SPMIP7: variants seen among roughly 807,000 people sequenced by gnomAD.
SPMIP7 encodes protein SPMIP7.
the SPMIP7 span, chr7:50,151,379 G>T: frequency 8.2e-7 from 1 of 1,223,566 alleles, no homozygotes; most frequent in Non-Finnish European, 1.2e-6. Context: ...TTGGGTGCTA[G>T]TTACCATGAC....
chr7:50,104,044 C>T, the SPMIP7 span, among the ~76,000 whole-genome samples: 2 of 152,244 alleles, frequency 1.3e-5, no homozygotes, highest in South Asian at 4.1e-4. Flanking sequence ...TGTCTGTGTG[C>T]ACATACATAG....
At chr7:50,154,164 T>C in the SPMIP7 span, among the ~76,000 whole-genome samples, 1 of 152,142 alleles carries the variant, frequency 6.6e-6, no homozygotes, top group Non-Finnish European at 1.5e-5. Flanking sequence ...GACATATGGG[T>C]ATATAGTAAA....
At chr7:50,103,052 T>A in the SPMIP7 span, among the ~76,000 whole-genome samples, 1 of 143,822 alleles carries the variant, frequency 7.0e-6, no homozygotes, top group South Asian at 2.2e-4. Context: ...ATCATATATT[T>A]TATATATATA....
the SPMIP7 span, chr7:50,134,049 A>G: frequency 2.1e-6 from 3 of 1,423,018 alleles, no homozygotes; most frequent in Non-Finnish European, 2.8e-6. Context: ...TCATATTGTT[A>G]TAAACTTTAC....
the SPMIP7 span, among the ~76,000 whole-genome samples, chr7:50,118,356 C>T: frequency 6.6e-6 from 1 of 152,152 alleles, no homozygotes; most frequent in Non-Finnish European, 1.5e-5. Flanking sequence ...TGAACAAATA[C>T]TGGTGGGGTA....
chr7:50,138,350 G>C, the SPMIP7 span, among the ~76,000 whole-genome samples: 2 of 152,174 alleles, frequency 1.3e-5, no homozygotes, highest in African/African-American at 4.8e-5. Context: ...AAATATAAAA[G>C]TGAATCACAT....
the SPMIP7 span, chr7:50,096,457 C>CAGAACCATACCAACCCTAGTGGA: frequency 2.6e-6 from 4 of 1,551,734 alleles, no homozygotes; most frequent in Non-Finnish European, 3.5e-6. Flanking sequence ...CTGGCATTGG[C>CAGAACCATACCAACCCTAGTGGA]AGAACCATAC....
At chr7:50,151,311 C>A in the SPMIP7 span, 1 of 678,944 alleles carries the variant, frequency 1.5e-6, no homozygotes, top group Non-Finnish European at 2.5e-6. Context: ...AGCCCAAGTT[C>A]CACACCTCAT....
At chr7:50,141,259 T>G in the SPMIP7 span, 5 of 1,437,686 alleles carry the variant, frequency 3.5e-6, no homozygotes, top group South Asian at 6.1e-5. Flanking sequence ...ATATATGCCT[T>G]CTTTCCTTTC....
the SPMIP7 span, chr7:50,104,458 T>C: frequency 1.2e-5 from 8 of 672,380 alleles, no homozygotes; most frequent in Admixed American, 3.2e-4. Flanking sequence ...GTTTATTTCA[T>C]TGTATTATAT....
chr7:50,114,265 T>C, the SPMIP7 span, among the ~76,000 whole-genome samples: 5 of 152,160 alleles, frequency 3.3e-5, no homozygotes, highest in Non-Finnish European at 7.4e-5. Flanking sequence ...CTATTTTTCA[T>C]CTTGGAGTTC....
At chr7:50,119,604 G>A in the SPMIP7 span, among the ~76,000 whole-genome samples, 7 of 152,196 alleles carry the variant, frequency 4.6e-5, no homozygotes, top group Non-Finnish European at 7.3e-5. Context: ...TGACAGTCAT[G>A]CTAAAACCTC....
chr7:50,145,614 GTGTGTATATA>G, the SPMIP7 span, among the ~76,000 whole-genome samples: 345 of 39,054 alleles, frequency 8.8e-3, 27 homozygotes, highest in African/African-American at 0.028. Flanking sequence ...GTGTATATGT[GTGTGTATATA>G]TATATATATA....
At chr7:50,145,581 TA>T in the SPMIP7 span, among the ~76,000 whole-genome samples, 1 of 127,738 alleles carries the variant, frequency 7.8e-6, no homozygotes, top group Non-Finnish European at 1.6e-5. Context: ...TATATATATA[TA>T]TGTGCGTGTG....
At chr7:50,096,328 T>C in the SPMIP7 span, 1 of 1,552,164 alleles carries the variant, frequency 6.4e-7, no homozygotes, top group Non-Finnish European at 8.7e-7. Context: ...ATCATTTACA[T>C]GATCCTTATC....
chr7:50,122,630 A>G, the SPMIP7 span, among the ~76,000 whole-genome samples: 3 of 149,894 alleles, frequency 2.0e-5, no homozygotes, highest in African/African-American at 7.3e-5. Flanking sequence ...TGAACAGGCA[A>G]CCTACAAAAT....
At chr7:50,125,942 G>A in the SPMIP7 span, among the ~76,000 whole-genome samples, 1 of 151,980 alleles carries the variant, frequency 6.6e-6, no homozygotes. Flanking sequence ...TACTTGAAAT[G>A]TGACAAGAGA....
the SPMIP7 span, among the ~76,000 whole-genome samples, chr7:50,135,656 C>T: frequency 2.0e-5 from 3 of 152,110 alleles, no homozygotes; most frequent in Non-Finnish European, 4.4e-5. Flanking sequence ...TTACACATTC[C>T]TTGCCGTTAA....
chr7:50,134,096 A>G, the SPMIP7 span: 12 of 1,527,124 alleles, frequency 7.9e-6, no homozygotes, highest in African/African-American at 1.7e-4. Flanking sequence ...TTCCTATTTA[A>G]TAACTTCATA....
Sources: allele counts gnomAD v4.1 joint callset (sites outside exome capture counted in the v4.1 genomes callset), GRCh38; gene constraint gnomAD v4.1.1; transcripts MANE v1.5; gene names NCBI Gene and HGNC (gene_info 2026-07-23, HGNC 2026-07-21).